The following LRWD1 variants were observed in gnomAD, a reference collection of about 807,000 sequenced individuals.
LRWD1 encodes leucine-rich repeat and WD repeat-containing protein 1.
In LRWD1, 76 loss-of-function variants were observed where a neutral mutation model predicts 75.6. The observed-to-expected ratio is 1.01, with a 90% CI of 0.84 to 1.22. The LOEUF (loss-of-function observed/expected upper bound fraction) is 1.22. LRWD1 is among the 50% of genes most tolerant of loss of function. The probability of loss-of-function intolerance (pLI) is 0.00; values close to 1 mark genes in which losing one functional copy is unlikely to be tolerated. For missense variants in LRWD1, 917 were observed against 862.0 expected, an observed-to-expected ratio of 1.06 and a Z score of -0.80; for synonymous variants, 487 against 377.0, an observed-to-expected ratio of 1.29 and a Z score of -3.38.
chr7:102,468,734 C>T (rs1331039205), intron 8 of LRWD1, 80 bp downstream of exon 8: 26 of 1,524,684 alleles, frequency 1.7e-5, no homozygotes, highest in East Asian at 2.5e-5. Flanking sequence ...GATGCAGGCT[C>T]GGCCCCCTGC....
rs1289046179 is a variant in LRWD1 at position 102,472,395 on chromosome 7, T to C, written c.1535-59T>C. The C allele has an allele frequency of 9.0e-6, 14 of 1,550,060 alleles. No homozygotes were observed. The Admixed American group carries it at 2.4e-4, about 26-fold the overall frequency. Reference sequence around the variant, plus strand: ...CCTGGGCTAGGCTTCTGAGGATCTCTAGTGGGAGAAGGTGTCTGGGAGGGG... The same window carrying C: ...CCTGGGCTAGGCTTCTGAGGATCTCCAGTGGGAGAAGGTGTCTGGGAGGGG... On this transcript the variant is annotated intron_variant, in intron 12 of 14. Transcript: ENST00000292616.
intron 1 of LRWD1, 77 bp downstream of exon 1, chr7:102,465,237 G>A (rs1797922884): frequency 1.6e-6 from 2 of 1,288,222 alleles, no homozygotes; most frequent in Non-Finnish European, 1.0e-6. Flanking sequence ...CCTCCCCAAC[G>A]GCCCGCTTGT....
chr7:102,465,815 A>G lies in LRWD1; in HGVS notation c.81-2A>G, dbSNP rs1797957187. On this transcript the variant is annotated splice_acceptor_variant, in intron 1 of 14. Transcript: ENST00000292616. LOFTEE classifies it high-confidence loss of function. Reference sequence around the variant, plus strand: ...CCCTAAGCCTTCTGCCCCCAACTCCAGCCTGTCAGGATTGGAGCTGCTTTC... The same window carrying G: ...CCCTAAGCCTTCTGCCCCCAACTCCGGCCTGTCAGGATTGGAGCTGCTTTC... 1 of 1,611,744 alleles carries G rather than the reference A, an allele frequency of 6.2e-7. No individual in the cohort carries two copies. The highest frequency in any genetic ancestry group is 1.3e-5 in the African/African-American group (1 of 74,832).
chr7:102,468,614 A>G lies in LRWD1; in HGVS notation c.980A>G (p.Gln327Arg). The G allele has an allele frequency of 6.3e-7, 1 of 1,577,724 alleles. No individual in the cohort carries two copies. Residue 327 changes from glutamine to arginine, a missense_variant, in exon 8 of 15, where the codon CAG (glutamine) becomes CGG (arginine). Gln to Arg is a conservative substitution (Grantham distance 43, BLOSUM62 1). Coordinates refer to ENST00000292616, the MANE Select transcript of LRWD1 (RefSeq NM_152892.3). ...GGEAVCVIDC[Q>R]TGIVLHKYKA... is the part of the protein sequence containing the mutation. ...GAGGCTGTGTGCGTAATTGATTGCC[A>G]GACGGGCATCGTGCTCCACAAGTAC...
chr7:102,466,159 T>G lies in LRWD1; in HGVS notation c.321T>G (p.Asn107Lys), dbSNP rs1287210530. Residue 107 changes from asparagine (N) to lysine (K), a missense_variant, in exon 3 of 15, where the codon AAT becomes AAG. By Grantham distance (94) the Asn-to-Lys change is moderately conservative (BLOSUM62 0). Coordinates refer to ENST00000292616, the MANE Select transcript of LRWD1 (RefSeq NM_152892.3). Reference protein sequence around the residue: ...SLEGNPFLTVNDNLKVSFLLP... With the variant: ...SLEGNPFLTVKDNLKVSFLLP... The stretch of plus-strand genomic sequence containing the variant: ...CTTCACCCTCTCTTCCCCAGGTCAA[T>G]GACAACCTGAAAGTCTCCTTTCTCC... 1 of 1,614,132 alleles carries G rather than the reference T, an allele frequency of 6.2e-7. No homozygotes were observed. The highest frequency in any genetic ancestry group is 1.6e-4 in the Middle Eastern group (1 of 6,062).
At chr7:102,467,847 G>C in intron 5 of LRWD1, 24 bp downstream of exon 5, 2 of 1,547,602 alleles carry the variant, frequency 1.3e-6, no homozygotes, top group Non-Finnish European at 1.7e-6. Context: ...CCAGGGCTCT[G>C]AGGCCAGCCC....
In LRWD1 at chr7:102,468,838, C is replaced by T. The variant is rs989091172; in HGVS notation, c.1021-17C>T. The T allele has an allele frequency of 2.5e-6, 4 of 1,607,330 alleles. No homozygotes were observed. The highest frequency in any genetic ancestry group is 1.7e-5 in the Admixed American group (1 of 59,916). On this transcript the variant is annotated splice_polypyrimidine_tract_variant and intron_variant, in intron 8 of 14. Coordinates refer to ENST00000292616, the MANE Select transcript of LRWD1 (RefSeq NM_152892.3). ...ATAGCTCTGCCCCAGTGACTGTTTA[C>T]TCTAACCCCCGCCCAGGAGTTCTTT...
At chr7:102,469,101 C>T (rs1237448535) in intron 9 of LRWD1, 39 bp downstream of exon 9, 2 of 1,519,740 alleles carry the variant, frequency 1.3e-6, no homozygotes, top group Non-Finnish European at 1.8e-6. Context: ...CCCCAAGCAC[C>T]CCTGTCCTGC....
In LRWD1 at chr7:102,473,073, G is replaced by C. The variant is rs202157868; in HGVS notation, c.*24G>C. ...AGCCTCACACCATCGCAAAGGACCAGGGACACAGCTAACTAACTTATTCAG... is the reference window on the plus strand; with the variant it reads ...AGCCTCACACCATCGCAAAGGACCACGGACACAGCTAACTAACTTATTCAG... On this transcript the variant is annotated 3_prime_UTR_variant, in exon 15 of 15. Coordinates refer to ENST00000292616, the MANE Select transcript of LRWD1 (RefSeq NM_152892.3). 791 of 1,596,556 alleles carry C rather than the reference G, an allele frequency of 5.0e-4. 7 individuals carry two copies. The African/African-American group carries it at 9.7e-3, about 20-fold the overall frequency.
At chr7:102,469,917 C>T (rs1393248630) in intron 11 of LRWD1, 35 bp downstream of exon 11, 1 of 1,485,074 alleles carries the variant, frequency 6.7e-7, no homozygotes, top group Admixed American at 2.4e-5. Flanking sequence ...GGAAGCCAGG[C>T]CTCTGCAGAG....
Position 102,465,078 on chromosome 7 carries a change from G to T in LRWD1, c.-3G>T, listed in dbSNP as rs779848359. 2 of 1,485,354 alleles carry T rather than the reference G, an allele frequency of 1.3e-6. No individual in the cohort carries two copies. 92.0% of individuals were successfully genotyped at this position (1,485,354 alleles called of 1,614,324 possible). ...GGGTCAGCGCGGGCTGCGCCTCCTC[G>T]CCATGGGCCCCCTCTCGGCGCGGCT... On this transcript the variant is annotated 5_prime_UTR_variant, in exon 1 of 15. Transcript: ENST00000292616.
Position 102,473,057 on chromosome 7 carries a change from C to T in LRWD1, c.*8C>T. 1.2e-6 allele frequency: 2 copies of T among 1,609,476 alleles called. No homozygotes were observed. Among genetic ancestry groups the T allele is most frequent in the Non-Finnish European group, 1.7e-6 (2 of 1,176,894 alleles). On this transcript the variant is annotated 3_prime_UTR_variant, in exon 15 of 15. Transcript: ENST00000292616. ...ATCTGGGGGAGGATGTAGCCTCACA[C>T]CATCGCAAAGGACCAGGGACACAGC... is the stretch of plus-strand genomic sequence containing the variant.
At chr7:102,469,088 G>A in intron 9 of LRWD1, 26 bp downstream of exon 9, 1 of 1,558,716 alleles carries the variant, frequency 6.4e-7, no homozygotes, top group South Asian at 1.2e-5. Flanking sequence ...TCACCCCTGG[G>A]ACCCCCAAGC....
In LRWD1 at chr7:102,465,113, G is replaced by C; in HGVS notation, c.33G>C (p.Gln11His). Reference protein sequence around the residue: MGPLSARLLMQRGRPKSDRLG... With the variant: MGPLSARLLMHRGRPKSDRLG... ...CCCTCTCGGCGCGGCTGCTAATGCAGCGCGGGCGCCCCAAGAGCGACCGGC... is the reference window on the plus strand; with the variant it reads ...CCCTCTCGGCGCGGCTGCTAATGCACCGCGGGCGCCCCAAGAGCGACCGGC... Residue 11 changes from glutamine to histidine, a missense_variant, in exon 1 of 15, where the codon CAG (glutamine) becomes CAC (histidine). Coordinates refer to ENST00000292616, the MANE Select transcript of LRWD1 (RefSeq NM_152892.3). 6.6e-7 allele frequency: 1 copy of C among 1,513,562 alleles called. No individual in the cohort carries two copies. The highest frequency in any genetic ancestry group is 2.8e-5 in the East Asian group (1 of 35,656). 93.8% of individuals were successfully genotyped at this position (1,513,562 alleles called of 1,614,324 possible).
chr7:102,467,436 T>A lies in LRWD1; in HGVS notation c.530T>A (p.Val177Asp). Residue 177 changes from valine to aspartate, a missense_variant, in exon 4 of 15, where the codon GTC becomes GAC. By Grantham distance (152) the Val-to-Asp change is radical (BLOSUM62 -3). Transcript: ENST00000292616. ...ADFVKSAVRD[V>D]RYGPESLSEF... is the part of the protein sequence containing the mutation. ...TTTGTGAAGTCGGCTGTCAGGGATG[T>A]CCGCTACGGGCCCGAGTCCCTCAGC... is the stretch of plus-strand genomic sequence containing the variant. 1 of 1,613,794 alleles carries A rather than the reference T, an allele frequency of 6.2e-7. No homozygotes were observed. The highest frequency in any genetic ancestry group is 8.5e-7 in the Non-Finnish European group (1 of 1,179,944).
intron 1 of LRWD1, chr7:102,465,488 GCTTTTTTTTTTT>G (rs753657555): frequency 0.053 from 5,764 of 107,866 alleles, 1,399 homozygotes; most frequent in Middle Eastern, 0.074. Flanking sequence ...AGTAGTTGCA[GCTTTTTTTTTTT>G]TTTTTTTTTT....
intron 11 of LRWD1, 64 bp downstream of exon 11, chr7:102,469,946 TG>T: frequency 6.9e-7 from 1 of 1,440,870 alleles, no homozygotes; most frequent in Non-Finnish European, 9.1e-7. Flanking sequence ...TTGGCCCAGA[TG>T]GGCTCACAGC....
chr7:102,467,054 C>T (rs1791082313), intron 3 of LRWD1, among the ~76,000 whole-genome samples: 1 of 141,958 alleles, frequency 7.0e-6, no homozygotes, highest in African/African-American at 2.6e-5. Context: ...GGACTATAGG[C>T]ACCTGGGTTG....
chr7:102,465,157 TG>T lies in LRWD1; in HGVS notation c.79del (p.Asp27ThrfsTer20). The T allele has an allele frequency of 6.6e-7, 1 of 1,506,780 alleles. No homozygotes were observed. The highest frequency in any genetic ancestry group is 8.8e-7 in the Non-Finnish European group (1 of 1,131,526). 93.3% of individuals were successfully genotyped at this position (1,506,780 alleles called of 1,614,324 possible). A position where few individuals can be genotyped will look rare whatever the true frequency, so the allele number is the denominator to read the frequency against. ...GACCGGCTGGGGAAGATCCGGAGTC[TG>T]GAGTAAGAGCCGGGCAGCGGGTGAG... The part of the protein sequence containing the change: ...KSDRLGKIRS[L>X]DLSGLELLSE... On this transcript the variant is annotated frameshift_variant and splice_region_variant, in exon 1 of 15. Transcript: ENST00000292616. LOFTEE classifies it high-confidence loss of function.
Sources: allele counts gnomAD v4.1 joint callset (sites outside exome capture counted in the v4.1 genomes callset), GRCh38; gene constraint gnomAD v4.1.1; transcripts MANE v1.5; gene names NCBI Gene and HGNC (gene_info 2026-07-23, HGNC 2026-07-21).